Variants in JMJD4 observed in about 807,000 individuals in gnomAD.
The protein encoded by JMJD4 is 2-oxoglutarate and iron-dependent oxygenase JMJD4.
A neutral mutation model predicts 36.3 loss-of-function variants in JMJD4; 34 were observed. That is an observed-to-expected ratio of 0.94 (90% CI 0.71 to 1.25). The LOEUF is 1.25. Among genes scored for constraint, JMJD4 ranks in the 50% most tolerant of loss-of-function variants. The pLI is 0.00. For synonymous variants in JMJD4, 269 were observed against 235.3 expected, an observed-to-expected ratio of 1.14 and a Z score of -1.31; for missense variants, 584 against 559.1, an observed-to-expected ratio of 1.04 and a Z score of -0.45.
rs137911301 is a variant in JMJD4 at position 227,732,461 on chromosome 1, C to T, written c.1185G>A (p.Ala395=). The change falls in exon 6 of 6, where the codon GCG becomes GCA. Residue 395 remains alanine (A), a synonymous_variant. Coordinates refer to ENST00000620518, the MANE Select transcript of JMJD4 (RefSeq NM_023007.3). ...HPDFQRVDTS[A]FSPQPKELLQ... is the part of the protein sequence containing the mutation. ...GCAGCTCTTTGGGCTGTGGTGAGAA[C>T]GCGCTGGTGTCCACTCTCTGGAAGT... 32 of 1,613,182 alleles carry T rather than the reference C, an allele frequency of 2.0e-5. No homozygotes were observed. The highest frequency in any genetic ancestry group is 1.2e-4 in the African/African-American group (9 of 74,948).
chr1:227,735,213 G>T lies in JMJD4; in HGVS notation c.61C>A (p.Pro21Thr). The change falls in exon 1 of 6, where the codon CCC becomes ACC. Residue 21 changes from proline to threonine, a missense_variant. Coordinates refer to ENST00000620518, the MANE Select transcript of JMJD4 (RefSeq NM_023007.3). ...SHFRGLGVDV[P>T]GVGQAPGRVA... ...CGGCCCGGAGCCTGGCCGACGCCGG[G>T]GACATCGACCCCCAGGCCTCGGAAG... 1 of 1,588,828 alleles carries T rather than the reference G, an allele frequency of 6.3e-7. No homozygotes were observed. The highest frequency in any genetic ancestry group is 8.6e-7 in the Non-Finnish European group (1 of 1,168,370).
chr1:227,732,204 C>G lies in JMJD4; in HGVS notation c.*188G>C. The G allele has an allele frequency of 1.5e-6, 1 of 652,590 alleles. No homozygotes were observed. Among genetic ancestry groups the G allele is most frequent in the Non-Finnish European group, 2.7e-6 (1 of 376,396 alleles). 40.4% of individuals were successfully genotyped at this position (652,590 alleles called of 1,614,324 possible). A position where few individuals can be genotyped will look rare whatever the true frequency, so the allele number is the denominator to read the frequency against. ...GCAGGTCAGAAGGGCCACATCCCAT[C>G]TTGGGTCCCTGACCTCATTGGGCCT... On this transcript the variant is annotated 3_prime_UTR_variant, in exon 6 of 6. Coordinates refer to ENST00000620518, the MANE Select transcript of JMJD4 (RefSeq NM_023007.3).
intron 2 of JMJD4, 63 bp downstream of exon 2, chr1:227,734,588 A>C: frequency 1.3e-6 from 2 of 1,536,080 alleles, no homozygotes; most frequent in Non-Finnish European, 1.8e-6. Flanking sequence ...TTCATCAGAA[A>C]GGCCTCTGGG....
Position 227,734,695 on chromosome 1 carries a change from G to A in JMJD4, c.384C>T (p.Ser128=). The A allele has an allele frequency of 6.2e-7, 1 of 1,614,178 alleles. No individual in the cohort carries two copies. Among genetic ancestry groups the A allele is most frequent in the East Asian group, 2.2e-5 (1 of 44,874 alleles). Residue 128 remains serine (S), a synonymous_variant, in exon 2 of 6, where the codon TCC becomes TCT. Transcript: ENST00000620518. Reference sequence around the variant, plus strand: ...TGAGGTAGAGACAGCCCCTGGGAGAGGAGTAGCCCGCCTGTATGTACTCTT... The same window carrying A: ...TGAGGTAGAGACAGCCCCTGGGAGAAGAGTAGCCCGCCTGTATGTACTCTT... The part of the protein sequence containing the change: ...YWKEYIQAGY[S]SPRGCLYLKD...
Position 227,733,685 on chromosome 1 carries a change from C to A in JMJD4, c.555-4G>T, listed in dbSNP as rs969857945. On this transcript the variant is annotated splice_polypyrimidine_tract_variant and splice_region_variant and intron_variant, in intron 3 of 5. Transcript: ENST00000620518. ...GATGTCAGCATGGAACGGGGACCTG[C>A]GGCAGCAAGAGCGCCTGGTTCATGC... 5 of 1,599,722 alleles carry A rather than the reference C, an allele frequency of 3.1e-6. No individual in the cohort carries two copies. The South Asian group carries it at 3.3e-5, about 11-fold the overall frequency.
rs1206618179 is a variant in JMJD4, at chr1:227,734,811, C to T, written c.268G>A (p.Val90Met). The change falls in exon 2 of 6, where the codon GTG becomes ATG. Residue 90 changes from valine (V) to methionine (M), a missense_variant. By Grantham distance (21) the Val-to-Met change is conservative. Transcript: ENST00000620518. ...CCACAGTTTGCAACTGGTACAACCA[C>T]GTCTCCTGAAATGAAAGGCACGGTC... ...FDHLLRTYGD[V>M]VVPVANCGVQ... The T allele has an allele frequency of 1.2e-6, 2 of 1,613,844 alleles. No homozygotes were observed. The highest frequency in any genetic ancestry group is 3.3e-5 in the Admixed American group (2 of 60,022).
Position 227,732,350 on chromosome 1 carries a change from G to A in JMJD4, c.*42C>T, listed in dbSNP as rs781265757. 3.1e-6 allele frequency: 5 copies of A among 1,599,226 alleles called. No homozygotes were observed. The highest frequency in any genetic ancestry group is 4.3e-6 in the Non-Finnish European group (5 of 1,170,726). ...TTCTGGAAGGGCCCCGGAGCAGGAG[G>A]CTGCCTCTCTTCCACCCGTCCTTCT... is the stretch of plus-strand genomic sequence containing the variant. On this transcript the variant is annotated 3_prime_UTR_variant, in exon 6 of 6. Transcript: ENST00000620518.
At position 227,735,252 on chromosome 1, in the gene JMJD4, G is replaced by T; in HGVS notation, c.22C>A (p.Leu8Ile). Reference protein sequence around the residue: MDRETRALADSHFRGLGV... With the variant: MDRETRAIADSHFRGLGV... ...AGGCCTCGGAAGTGGCTGTCGGCGA[G>T]GGCGCGCGTCTCGCGGTCCATCCAG... Residue 8 changes from leucine to isoleucine, a missense_variant, in exon 1 of 6, where the codon CTC becomes ATC. Transcript: ENST00000620518. 1 of 1,603,188 alleles carries T rather than the reference G, an allele frequency of 6.2e-7. No individual in the cohort carries two copies. Among genetic ancestry groups the T allele is most frequent in the East Asian group, 2.3e-5 (1 of 44,294 alleles).
Position 227,733,462 on chromosome 1 carries a change from G to A in JMJD4, c.774C>T (p.Gly258=), listed in dbSNP as rs768156108. The A allele has an allele frequency of 1.1e-5, 17 of 1,589,652 alleles. No homozygotes were observed. The highest frequency in any genetic ancestry group is 3.4e-5 in the South Asian group (3 of 88,402). Residue 258 remains glycine (G), a synonymous_variant, in exon 4 of 6, where the codon GGC becomes GGT. Transcript: ENST00000620518. ...GPPLEITQEA[G]EMVFVPSGWH... Reference sequence around the variant, plus strand: ...AGCCACTGGGCACAAACACCATCTCGCCCGCTTCCTGCGTGATCTCCAAGG... The same window carrying A: ...AGCCACTGGGCACAAACACCATCTCACCCGCTTCCTGCGTGATCTCCAAGG...
In JMJD4 at chr1:227,735,283, C is replaced by G. The variant is rs372506325; in HGVS notation, c.-10G>C. 2 of 1,606,344 alleles carry G rather than the reference C, an allele frequency of 1.2e-6. No individual in the cohort carries two copies. Among genetic ancestry groups the G allele is most frequent in the African/African-American group, 2.7e-5 (2 of 74,634 alleles). ...GCGTCTCGCGGTCCATCCAGCTCAGCACGGGTCGAAGGACCCTCCTCCTCA... is the reference window on the plus strand; with the variant it reads ...GCGTCTCGCGGTCCATCCAGCTCAGGACGGGTCGAAGGACCCTCCTCCTCA... On this transcript the variant is annotated 5_prime_UTR_variant, in exon 1 of 6. Coordinates refer to ENST00000620518, the MANE Select transcript of JMJD4 (RefSeq NM_023007.3).
rs1429801261 is a variant in JMJD4 at position 227,735,276 on chromosome 1, A to C, written c.-3T>G. ...AGGGCGCGCGTCTCGCGGTCCATCC[A>C]GCTCAGCACGGGTCGAAGGACCCTC... On this transcript the variant is annotated 5_prime_UTR_variant, in exon 1 of 6. Coordinates refer to ENST00000620518, the MANE Select transcript of JMJD4 (RefSeq NM_023007.3). 1 of 1,606,462 alleles carries C rather than the reference A, an allele frequency of 6.2e-7. No individual in the cohort carries two copies. Among genetic ancestry groups the C allele is most frequent in the Non-Finnish European group, 8.5e-7 (1 of 1,177,584 alleles).
rs1558183810 is a variant in JMJD4, at chr1:227,734,670, TGAGGTA to T, written c.403_408del (p.Tyr135_Leu136del). On this transcript the variant is annotated inframe_deletion, in exon 2 of 6. Transcript: ENST00000620518. ...CATTACCTGCACAAGTGCCAGTCTT[TGAGGTA>T]GAGACAGCCCCTGGGAGAGGAGTAG... 1 of 1,613,748 alleles carries T rather than the reference TGAGGTA, an allele frequency of 6.2e-7. No individual in the cohort carries two copies. Among genetic ancestry groups the T allele is most frequent in the African/African-American group, 1.3e-5 (1 of 75,032 alleles).
intron 2 of JMJD4, 176 bp from the exon 3 acceptor site, chr1:227,734,208 G>T: frequency 7.3e-6 from 5 of 681,388 alleles, no homozygotes; most frequent in African/African-American, 3.6e-5. Context: ...GAGGGGGCGG[G>T]GCAGTCTGAC....
In JMJD4 at chr1:227,735,073, G is replaced by T; in HGVS notation, c.201C>A (p.Ser67Arg). The T allele has an allele frequency of 6.4e-7, 1 of 1,558,454 alleles. No homozygotes were observed. Among genetic ancestry groups the T allele is most frequent in the South Asian group, 1.2e-5 (1 of 85,748 alleles). The change falls in exon 1 of 6, where the codon AGC becomes AGA. Residue 67 changes from serine to arginine, a missense_variant. Transcript: ENST00000620518. Reference sequence around the variant, plus strand: ...CCGCGGGCGTCACCCAGCGCCGCCGGCTGCCCCAGCCCTGCGTGAAGGCGC... The same window carrying T: ...CCGCGGGCGTCACCCAGCGCCGCCGTCTGCCCCAGCCCTGCGTGAAGGCGC... The part of the protein sequence containing the change: ...FSSAFTQGWG[S>R]RRRWVTPAGR...
rs1260087549 is a variant in JMJD4 at position 227,731,320 on chromosome 1, C to T, written c.*1072G>A. On this transcript the variant is annotated 3_prime_UTR_variant, in exon 6 of 6. Transcript: ENST00000620518. ...CCCTGCCCTTCTTGGGGGCTTCCAT[C>T]CTAGACAAGTGCCAGCGGCCCCAGT... is the stretch of plus-strand genomic sequence containing the variant. 5 of 152,486 alleles carry T rather than the reference C, an allele frequency of 3.3e-5. No individual in the cohort carries two copies. Among genetic ancestry groups the T allele is most frequent in the African/African-American group, 1.2e-4 (5 of 41,600 alleles). 9.4% of individuals were successfully genotyped at this position (152,486 alleles called of 1,614,324 possible).
At chr1:227,734,546 A>C (rs1168442010) in intron 2 of JMJD4, 105 bp downstream of exon 2, 6 of 1,062,152 alleles carry the variant, frequency 5.6e-6, no homozygotes, top group Non-Finnish European at 8.4e-6. Flanking sequence ...CTCACGGGGA[A>C]AAATAGCTCC....
chr1:227,735,020 C>G lies in JMJD4; in HGVS notation c.254G>C (p.Arg85Pro). ...TGCGGCCGCCGCCCCACCGTAGGTC[C>G]GTAGCAGGTGGTCGAAGTCGGGCCT... ...AGRPDFDHLL[R>P]TYGDVVVPVA... The change falls in exon 1 of 6, where the codon CGG becomes CCG. Residue 85 changes from arginine to proline, a missense_variant. By Grantham distance (103) the Arg-to-Pro change is moderately radical. Coordinates refer to ENST00000620518, the MANE Select transcript of JMJD4 (RefSeq NM_023007.3). 6.5e-7 allele frequency: 1 copy of G among 1,548,722 alleles called. No individual in the cohort carries two copies. Among genetic ancestry groups the G allele is most frequent in the South Asian group, 1.2e-5 (1 of 82,428 alleles).
chr1:227,732,656 C>G lies in JMJD4; in HGVS notation c.990G>C (p.Ser330=). 6.2e-7 allele frequency: 1 copy of G among 1,612,880 alleles called. No individual in the cohort carries two copies. The highest frequency in any genetic ancestry group is 8.5e-7 in the Non-Finnish European group (1 of 1,179,948). The change falls in exon 6 of 6, where the codon TCG becomes TCC. Residue 330 remains serine, a synonymous_variant. Coordinates refer to ENST00000620518, the MANE Select transcript of JMJD4 (RefSeq NM_023007.3). ...GGTAAAACTCTTCAAAGTTGATGCC[C>G]GAGCAGGACCTCATGATGACCTGGG... is the stretch of plus-strand genomic sequence containing the variant. The part of the protein sequence containing the change: ...HHCQVIMRSC[S]GINFEEFYHF...
chr1:227,733,794 TG>T, intron 3 of JMJD4, 112 bp downstream of exon 3: 1 of 1,582,542 alleles, frequency 6.3e-7, no homozygotes, highest in Non-Finnish European at 8.6e-7. Context: ...TCTCAAGGGA[TG>T]GCACCCACTG....
Sources: allele counts gnomAD v4.1 joint callset, GRCh38; gene constraint gnomAD v4.1.1; transcripts MANE v1.5; gene names NCBI Gene and HGNC (gene_info 2026-07-23, HGNC 2026-07-21).